The following LRMDA variants were observed in gnomAD, a reference collection of about 807,000 sequenced individuals.
LRMDA encodes the protein leucine-rich melanocyte differentiation-associated protein.
LRMDA carries 18 observed loss-of-function variants against 29.8 expected under a neutral mutation model. The observed-to-expected ratio is 0.60, with a 90% CI of 0.42 to 0.90. The LOEUF is 0.90. LRMDA is among the 40% of genes least tolerant of loss of function. The pLI, the probability that LRMDA is intolerant of heterozygous loss-of-function variation, is 0.00. For missense variants in LRMDA, 273 were observed against 273.9 expected, an observed-to-expected ratio of 1.00 and a Z score of 0.02; for synonymous variants, 125 against 109.4, an observed-to-expected ratio of 1.14 and a Z score of -0.89.
intron 2 of LRMDA, among the ~76,000 whole-genome samples, chr10:75,985,117 T>A (rs1175052779): frequency 6.6e-6 from 1 of 152,112 alleles, no homozygotes; most frequent in African/African-American, 2.4e-5. Flanking sequence ...TTAGCAGAAC[T>A]TCTCATATTT....
chr10:75,485,538 A>C (rs1844900559), intron 2 of LRMDA, among the ~76,000 whole-genome samples: 1 of 152,140 alleles, frequency 6.6e-6, no homozygotes, highest in Non-Finnish European at 1.5e-5. Flanking sequence ...CTGGCACTAC[A>C]GGTGTGTGCC....
At chr10:76,541,418 T>C (rs1015100663) in intron 6 of LRMDA, among the ~76,000 whole-genome samples, 3 of 152,136 alleles carry the variant, frequency 2.0e-5, no homozygotes, top group African/African-American at 7.2e-5. Flanking sequence ...GGAGAATCAC[T>C]TGAACCCAGG....
At chr10:75,667,457 C>T (rs948330207) in intron 2 of LRMDA, among the ~76,000 whole-genome samples, 1 of 152,208 alleles carries the variant, frequency 6.6e-6, no homozygotes, top group African/African-American at 2.4e-5. Flanking sequence ...TGCCACAACA[C>T]TGATACATTT....
intron 6 of LRMDA, among the ~76,000 whole-genome samples, chr10:76,349,067 C>T (rs181913676): frequency 6.6e-6 from 1 of 152,240 alleles, no homozygotes; most frequent in Admixed American, 6.5e-5. Context: ...GTTTTTCTGG[C>T]ATGAGTGTCT....
At chr10:75,616,179 T>C (rs57417538) in intron 2 of LRMDA, among the ~76,000 whole-genome samples, 1 of 151,960 alleles carries the variant, frequency 6.6e-6, no homozygotes, top group Non-Finnish European at 1.5e-5. Flanking sequence ...GAACTCCCAT[T>C]TACAAAATCA....
intron 5 of LRMDA, among the ~76,000 whole-genome samples, chr10:76,152,883 C>T (rs1199811387): frequency 6.6e-6 from 1 of 151,910 alleles, no homozygotes; most frequent in Non-Finnish European, 1.5e-5. Context: ...CTCTGTAGTC[C>T]AGGCTGGTGT....
chr10:75,641,103 G>T (rs1414030102), intron 2 of LRMDA, among the ~76,000 whole-genome samples: 1 of 152,216 alleles, frequency 6.6e-6, no homozygotes, highest in Non-Finnish European at 1.5e-5. Flanking sequence ...CAAGCTCTGT[G>T]AACTTGAGCT....
chr10:76,143,193 T>C (rs1850239453), intron 5 of LRMDA, among the ~76,000 whole-genome samples: 1 of 152,210 alleles, frequency 6.6e-6, no homozygotes, highest in African/African-American at 2.4e-5. Context: ...TTATTATCCT[T>C]TGGGTATATA....
intron 2 of LRMDA, among the ~76,000 whole-genome samples, chr10:75,948,811 A>G (rs954609398): frequency 3.9e-5 from 6 of 151,964 alleles, no homozygotes; most frequent in Non-Finnish European, 7.4e-5. Flanking sequence ...TTGCCATCAG[A>G]TGATGTTGGT....
intron 2 of LRMDA, among the ~76,000 whole-genome samples, chr10:75,645,181 C>T (rs1841502527): frequency 6.6e-6 from 1 of 152,138 alleles, no homozygotes; most frequent in South Asian, 2.1e-4. Context: ...AGGAGTTTTG[C>T]CATGTTGGCC....
At position 75,849,992 on chromosome 10, in the gene LRMDA, G is replaced by C. The variant is rs563801545; in HGVS notation, c.132-186016G>C. On this transcript the variant is annotated intron_variant, in intron 2 of 6. Transcript: ENST00000611255. ...TTTTACTTGTGGTAGCATATAAATT[G>C]TGAAATGGGATGGAAATAAATGCTG... Among the ~76,000 whole-genome samples, 132 of 152,306 alleles carry C rather than the reference G, an allele frequency of 8.7e-4. 3 individuals carry two copies. In the South Asian group the frequency reaches 0.015, roughly 17 times the overall value.
chr10:75,928,842 T>G (rs1284793750), intron 2 of LRMDA, among the ~76,000 whole-genome samples: 1 of 152,104 alleles, frequency 6.6e-6, no homozygotes, highest in African/African-American at 2.4e-5. Context: ...TGGCAGGATC[T>G]CAGGGTAATC....
intron 6 of LRMDA, among the ~76,000 whole-genome samples, chr10:76,508,957 C>T (rs538531750): frequency 1.2e-4 from 18 of 152,110 alleles, no homozygotes; most frequent in African/African-American, 4.1e-4. Context: ...GAAAGCTTTT[C>T]CAGTGTCTCT....
intron 2 of LRMDA, among the ~76,000 whole-genome samples, chr10:76,018,511 G>A (rs1242127269): frequency 1.3e-5 from 2 of 151,896 alleles, no homozygotes; most frequent in Non-Finnish European, 2.9e-5. Flanking sequence ...TAATTGCAAG[G>A]TAGTTGAGGA....
intron 6 of LRMDA, among the ~76,000 whole-genome samples, chr10:76,440,108 G>A (rs567947164): frequency 6.6e-6 from 1 of 152,298 alleles, no homozygotes; most frequent in Admixed American, 6.5e-5. Context: ...AAAGATACAA[G>A]AGCGATTAAG....
intron 2 of LRMDA, among the ~76,000 whole-genome samples, chr10:75,603,066 A>G (rs571603518): frequency 1.8e-4 from 28 of 152,330 alleles, no homozygotes; most frequent in Non-Finnish European, 2.4e-4. Flanking sequence ...GGTTTCAACT[A>G]TACAGTAACC....
At chr10:75,535,084 C>A (rs192374504) in intron 2 of LRMDA, among the ~76,000 whole-genome samples, 2 of 152,280 alleles carry the variant, frequency 1.3e-5, no homozygotes, top group East Asian at 3.9e-4. Flanking sequence ...GTCTTACAAT[C>A]TTTCACTATT....
chr10:75,831,338 G>T (rs1169239198), intron 2 of LRMDA, among the ~76,000 whole-genome samples: 1 of 152,114 alleles, frequency 6.6e-6, no homozygotes, highest in Non-Finnish European at 1.5e-5. Flanking sequence ...TGAGCCACCA[G>T]GCCTGGCCAG....
chr10:76,361,927 GAGA>G (rs544009502), intron 6 of LRMDA, among the ~76,000 whole-genome samples: 12 of 152,296 alleles, frequency 7.9e-5, no homozygotes, highest in South Asian at 2.1e-4. Flanking sequence ...TAAATGCAGG[GAGA>G]AGAAGTGACA....
Sources: gnomAD v4.1 joint callset for allele counts (sites outside exome capture counted in the v4.1 genomes callset) on GRCh38, gnomAD v4.1.1 for gene constraint, MANE v1.5 for transcripts, NCBI Gene and HGNC (gene_info 2026-07-23, HGNC 2026-07-21) for gene names.